CAMTA1: variants seen among roughly 807,000 people sequenced by gnomAD.
The protein encoded by CAMTA1 is calmodulin binding transcription activator 1.
A neutral mutation model predicts 170.9 loss-of-function variants in CAMTA1; 27 were observed. The ratio of observed to expected loss-of-function variants is 0.16; its 90% CI spans 0.12 to 0.22. The LOEUF (loss-of-function observed/expected upper bound fraction) is 0.22. Among genes scored for constraint, CAMTA1 ranks in the 10% least tolerant of loss-of-function variants. CAMTA1 has a pLI of 1.00. For synonymous variants in CAMTA1, 833 were observed against 891.5 expected, an observed-to-expected ratio of 0.93 and a Z score of 1.17; for missense variants, 1,619 against 2,217.2, an observed-to-expected ratio of 0.73 and a Z score of 5.42.
chr1:7,125,442 G>A lies in CAMTA1; in HGVS notation c.302+34071G>A, dbSNP rs376630694. Among the ~76,000 whole-genome samples the A allele has an allele frequency of 3.2e-4, 49 of 152,254 alleles. 1 individual carries two copies. The South Asian group carries it at 8.7e-3, about 27-fold the overall frequency. On this transcript the variant is annotated intron_variant, in intron 4 of 22. Transcript: ENST00000303635. ...GAAAGTTCGGAGTGATTGCAATAGAGCCAAACAGACCGTGTGTTCAAGGTC... is the reference window on the plus strand; with the variant it reads ...GAAAGTTCGGAGTGATTGCAATAGAACCAAACAGACCGTGTGTTCAAGGTC...
chr1:7,130,695 G>A (rs910494542), intron 4 of CAMTA1, among the ~76,000 whole-genome samples: 13 of 152,150 alleles, frequency 8.5e-5, no homozygotes, highest in Non-Finnish European at 1.8e-4. Context: ...CTCTAATGAC[G>A]GATGATGCTG....
In CAMTA1 at chr1:7,401,629, T is replaced by C. The variant is rs77408223; in HGVS notation, c.439-66201T>C. On this transcript the variant is annotated intron_variant, in intron 5 of 22. Transcript: ENST00000303635. ...GGTCTTCACATCAACATGGTATGTT[T>C]CTCCATTTATTTAGGTCTCCTTTGA... is the stretch of plus-strand genomic sequence containing the variant. Among the ~76,000 whole-genome samples the C allele has an allele frequency of 2.2e-3, 328 of 152,342 alleles. 1 individual carries two copies. Among genetic ancestry groups the C allele is most frequent in the African/African-American group, 7.5e-3 (312 of 41,570 alleles).
At chr1:6,865,763 A>G (rs980372049) in intron 3 of CAMTA1, among the ~76,000 whole-genome samples, 1 of 151,932 alleles carries the variant, frequency 6.6e-6, no homozygotes, top group Admixed American at 6.5e-5. Context: ...GTAAATGAAG[A>G]AAGTGAGACC....
intron 3 of CAMTA1, among the ~76,000 whole-genome samples, chr1:6,851,881 G>A (rs529909295): frequency 6.6e-6 from 1 of 152,086 alleles, no homozygotes; most frequent in Admixed American, 6.5e-5. Context: ...GGGCGTGGTG[G>A]TGCACGCCTG....
intron 6 of CAMTA1, among the ~76,000 whole-genome samples, chr1:7,543,816 G>A (rs375015022): frequency 6.7e-6 from 1 of 149,558 alleles, no homozygotes; most frequent in African/African-American, 2.5e-5. Flanking sequence ...AAAATTAAAT[G>A]AGTGCTGGCA....
At position 7,219,201 on chromosome 1, in the gene CAMTA1, G is replaced by A. The variant is rs554884185; in HGVS notation, c.303-30290G>A. On this transcript the variant is annotated intron_variant, in intron 4 of 22. Transcript: ENST00000303635. ...ATAGACACTTCAGCCAAATACTGGC[G>A]TGTTTTCCGTTTCTGTGTTTACGGT... 2.6e-5 allele frequency among the ~76,000 whole-genome samples: 4 copies of A among 152,158 alleles called. No homozygotes were observed. The South Asian group carries it at 6.2e-4, about 24-fold the overall frequency.
At chr1:7,755,806 A>C in intron 22 of CAMTA1, 138 bp downstream of exon 22, 1 of 752,262 alleles carries the variant, frequency 1.3e-6, no homozygotes, top group Non-Finnish European at 2.4e-6. Context: ...AATCAAGTAA[A>C]AACTAACCCT....
At chr1:7,423,913 C>T (rs1444666676) in intron 5 of CAMTA1, among the ~76,000 whole-genome samples, 19 of 152,178 alleles carry the variant, frequency 1.2e-4, no homozygotes, top group Admixed American at 1.2e-3. Flanking sequence ...ATGCTGCTTA[C>T]ACCTTTATCA....
At chr1:7,447,169 T>A (rs1421054569) in intron 5 of CAMTA1, among the ~76,000 whole-genome samples, 1 of 152,118 alleles carries the variant, frequency 6.6e-6, no homozygotes, top group Non-Finnish European at 1.5e-5. Context: ...GGAGCCATAC[T>A]GCCCCTGGCT....
At chr1:7,718,419 G>A (rs780151235) in intron 11 of CAMTA1, among the ~76,000 whole-genome samples, 4 of 151,998 alleles carry the variant, frequency 2.6e-5, no homozygotes, top group Non-Finnish European at 5.9e-5. Context: ...TCACTTTGTC[G>A]TTTCTGTCTT....
intron 3 of CAMTA1, among the ~76,000 whole-genome samples, chr1:6,861,371 C>G (rs1351575744): frequency 6.6e-6 from 1 of 152,206 alleles, no homozygotes; most frequent in Non-Finnish European, 1.5e-5. Context: ...TTAACGAAAA[C>G]TAAAGCAACT....
At chr1:7,558,359 G>A (rs1490521425) in intron 6 of CAMTA1, among the ~76,000 whole-genome samples, 1 of 152,214 alleles carries the variant, frequency 6.6e-6, no homozygotes, top group Non-Finnish European at 1.5e-5. Context: ...TGAAGGCGGG[G>A]AGCATGGAGC....
At chr1:7,558,304 G>A (rs966259926) in intron 6 of CAMTA1, among the ~76,000 whole-genome samples, 14 of 152,274 alleles carry the variant, frequency 9.2e-5, no homozygotes, top group Middle Eastern at 3.4e-3. Context: ...ATGCTGCGGC[G>A]TCCCCCAGGC....
chr1:6,970,465 G>T lies in CAMTA1; in HGVS notation c.235-120839G>T, dbSNP rs1307643325. The stretch of plus-strand genomic sequence containing the variant: ...GCCGGTCCCAGACCAGCATCGGTGA[G>T]GAGGTAATGGGGGTTCTTGCCAGGC... On this transcript the variant is annotated intron_variant, in intron 3 of 22. Transcript: ENST00000303635. This position sits in a 1 kb window ranked among gnomAD's most constrained non-coding sequence, Gnocchi z 4.4. 6.6e-6 allele frequency among the ~76,000 whole-genome samples: 1 copy of T among 152,100 alleles called. No homozygotes were observed. The highest frequency in any genetic ancestry group is 2.1e-4 in the South Asian group (1 of 4,814).
intron 4 of CAMTA1, among the ~76,000 whole-genome samples, chr1:7,102,276 G>A (rs1016749651): frequency 6.6e-6 from 1 of 152,136 alleles, no homozygotes; most frequent in Non-Finnish European, 1.5e-5. Flanking sequence ...GACTCTGGTG[G>A]GGAAGAGGGA....
In CAMTA1 at chr1:6,970,742, A is replaced by G. The variant is rs919387836; in HGVS notation, c.235-120562A>G. Among the ~76,000 whole-genome samples, 8 of 152,206 alleles carry G rather than the reference A, an allele frequency of 5.3e-5. No individual in the cohort carries two copies. The highest frequency in any genetic ancestry group is 1.9e-4 in the African/African-American group (8 of 41,450). On this transcript the variant is annotated intron_variant, in intron 3 of 22. Transcript: ENST00000303635. This position sits in a 1 kb window ranked among gnomAD's most constrained non-coding sequence, Gnocchi z 4.4. ...TCCTGGTGGGTCAGGACATTCTACT[A>G]TAGCAAGTGCTATCTCAGTGGAGAT...
At chr1:6,804,688 C>T (rs1644308266) in intron 1 of CAMTA1, among the ~76,000 whole-genome samples, 1 of 152,034 alleles carries the variant, frequency 6.6e-6, no homozygotes, top group Non-Finnish European at 1.5e-5. Context: ...GTAGCATGTA[C>T]TGTTACTTCA....
intron 5 of CAMTA1, among the ~76,000 whole-genome samples, chr1:7,416,526 A>T (rs1484949001): frequency 1.3e-5 from 2 of 152,024 alleles, no homozygotes; most frequent in Non-Finnish European, 2.9e-5. Context: ...TCCATCACTG[A>T]TACCCTTTCT....
At chr1:6,843,347 C>T (rs2148714382) in intron 3 of CAMTA1, among the ~76,000 whole-genome samples, 1 of 152,272 alleles carries the variant, frequency 6.6e-6, no homozygotes, top group African/African-American at 2.4e-5. Context: ...GATAAGTGGT[C>T]ATCCAATTTG....
Sources: gnomAD v4.1 joint callset for allele counts (sites outside exome capture counted in the v4.1 genomes callset) on GRCh38, gnomAD v4.1.1 for gene constraint, Gnocchi (gnomAD v3.1) non-coding constraint, MANE v1.5 for transcripts, NCBI Gene and HGNC (gene_info 2026-07-23, HGNC 2026-07-21) for gene names.